Variants in PELI2 observed in about 807,000 individuals in gnomAD.
PELI2 encodes E3 ubiquitin-protein ligase pellino homolog 2.
A neutral mutation model predicts 42.3 loss-of-function variants in PELI2; 23 were observed. The ratio of observed to expected loss-of-function variants is 0.54; its 90% CI spans 0.39 to 0.77. PELI2 has a LOEUF of 0.77. PELI2 is among the 30% of genes least tolerant of loss of function. The pLI, the probability that PELI2 is intolerant of heterozygous loss-of-function variation, is 0.00. For synonymous variants in PELI2, 245 were observed against 212.2 expected (o/e 1.15, Z -1.34); for missense variants, 463 against 553.2 (o/e 0.84, Z 1.64).
chr14:56,132,589 G>A (rs1883530521), intron 1 of PELI2, among the ~76,000 whole-genome samples: 1 of 152,136 alleles, frequency 6.6e-6, no homozygotes, highest in South Asian at 2.1e-4. Flanking sequence ...CCAGACCCAC[G>A]GAAAGGGTCA....
At chr14:56,253,298 C>T (rs560122419) in intron 2 of PELI2, among the ~76,000 whole-genome samples, 41 of 152,242 alleles carry the variant, frequency 2.7e-4, no homozygotes, top group African/African-American at 9.9e-4. Flanking sequence ...CACAAGACAA[C>T]GATGACTTCT....
At chr14:56,142,264 C>CT (rs2139605433) in intron 1 of PELI2, among the ~76,000 whole-genome samples, 1 of 152,286 alleles carries the variant, frequency 6.6e-6, no homozygotes, top group South Asian at 2.1e-4. Context: ...GCTATTATCT[C>CT]TAAGTGGAGG....
At chr14:56,263,853 C>T (rs1474196755) in intron 2 of PELI2, among the ~76,000 whole-genome samples, 1 of 151,720 alleles carries the variant, frequency 6.6e-6, no homozygotes, top group African/African-American at 2.4e-5. Context: ...ATATAAAATA[C>T]AGGTAAGGCA....
intron 2 of PELI2, among the ~76,000 whole-genome samples, chr14:56,239,644 A>G (rs1435204428): frequency 6.6e-6 from 1 of 152,180 alleles, no homozygotes; most frequent in Non-Finnish European, 1.5e-5. Flanking sequence ...GTTTGTGGAT[A>G]TGCATACAGA....
intron 1 of PELI2, among the ~76,000 whole-genome samples, chr14:56,131,213 A>AT (rs1737894180): frequency 6.6e-6 from 1 of 152,134 alleles, no homozygotes. Flanking sequence ...AGTGCCTTTT[A>AT]TTTGCTTATT....
chr14:56,162,267 G>A (rs1009773991), intron 1 of PELI2, among the ~76,000 whole-genome samples: 1 of 150,688 alleles, frequency 6.6e-6, no homozygotes, highest in African/African-American at 2.4e-5. Flanking sequence ...CCTTCCTCTT[G>A]GCCTTCCCAG....
intron 2 of PELI2, among the ~76,000 whole-genome samples, chr14:56,245,070 C>T (rs2139802420): frequency 6.6e-6 from 1 of 152,302 alleles, no homozygotes; most frequent in South Asian, 2.1e-4. Flanking sequence ...GAATCTATTT[C>T]CCACTTCTCT....
chr14:56,248,044 C>T (rs538327940), intron 2 of PELI2, among the ~76,000 whole-genome samples: 3 of 152,180 alleles, frequency 2.0e-5, no homozygotes, highest in South Asian at 2.1e-4. Context: ...CTAGCTGCCA[C>T]GTAACTGGCT....
intron 2 of PELI2, among the ~76,000 whole-genome samples, chr14:56,226,020 A>G (rs1200946917): frequency 4.6e-5 from 7 of 152,144 alleles, no homozygotes; most frequent in African/African-American, 1.4e-4. Context: ...TTCCCAGTGC[A>G]GAAACTGACT....
chr14:56,179,993 G>C (rs1471171837), intron 2 of PELI2, among the ~76,000 whole-genome samples: 1 of 152,124 alleles, frequency 6.6e-6, no homozygotes, highest in Non-Finnish European at 1.5e-5. Flanking sequence ...CAACTGTTGA[G>C]AGAAAAGTAT....
intron 2 of PELI2, among the ~76,000 whole-genome samples, chr14:56,234,458 G>T (rs1043522474): frequency 6.6e-6 from 1 of 152,136 alleles, no homozygotes; most frequent in Non-Finnish European, 1.5e-5. Context: ...GTAGGGACAT[G>T]GGTGAAGCTG....
At chr14:56,190,359 A>G (rs965738340) in intron 2 of PELI2, among the ~76,000 whole-genome samples, 2 of 152,236 alleles carry the variant, frequency 1.3e-5, no homozygotes, top group East Asian at 1.9e-4. Context: ...AATTCTGATA[A>G]GCAGATCTTA....
rs1010092042 is a variant in PELI2 at position 56,262,826 on chromosome 14, A to G, written c.208-16850A>G. The stretch of plus-strand genomic sequence containing the variant: ...TATATAATATCCCTGACTTTTGATC[A>G]TATTCTCTACCAAATACAGCCAGAA... On this transcript the variant is annotated intron_variant, in intron 2 of 5. Transcript: ENST00000267460. 2.4e-4 allele frequency among the ~76,000 whole-genome samples: 36 copies of G among 150,800 alleles called. 1 individual carries two copies. Among genetic ancestry groups the G allele is most frequent in the Admixed American group, 2.1e-3 (31 of 15,096 alleles).
chr14:56,132,691 G>C (rs1481065078), intron 1 of PELI2, among the ~76,000 whole-genome samples: 1 of 152,162 alleles, frequency 6.6e-6, no homozygotes, highest in Admixed American at 6.5e-5. Flanking sequence ...GCTTTCTGTA[G>C]CCCTTTCAGC....
chr14:56,229,191 C>A (rs990550773), intron 2 of PELI2, among the ~76,000 whole-genome samples: 6 of 152,236 alleles, frequency 3.9e-5, no homozygotes, highest in Non-Finnish European at 5.9e-5. Flanking sequence ...CAAAAGGCAG[C>A]AGAAGCTTTT....
At chr14:56,267,598 C>T (rs71414112) in intron 2 of PELI2, among the ~76,000 whole-genome samples, 1 of 151,970 alleles carries the variant, frequency 6.6e-6, no homozygotes, top group Non-Finnish European at 1.5e-5. Context: ...ATACCAACTG[C>T]CAAAATATAT....
intron 2 of PELI2, among the ~76,000 whole-genome samples, chr14:56,196,647 C>A (rs1199531348): frequency 6.6e-6 from 1 of 152,194 alleles, no homozygotes; most frequent in Non-Finnish European, 1.5e-5. Flanking sequence ...AAATCATAAT[C>A]TTTAAAAAAT....
At chr14:56,226,366 G>GCTGCCAGGCAAACCTTCCT (rs1381956223) in intron 2 of PELI2, among the ~76,000 whole-genome samples, 1 of 152,154 alleles carries the variant, frequency 6.6e-6, no homozygotes, top group Non-Finnish European at 1.5e-5. Flanking sequence ...TCTGCTTCTT[G>GCTGCCAGGCAAACCTTCCT]GATGTATTCC....
At chr14:56,206,186 T>C (rs1185271323) in intron 2 of PELI2, among the ~76,000 whole-genome samples, 3 of 152,242 alleles carry the variant, frequency 2.0e-5, no homozygotes, top group Non-Finnish European at 4.4e-5. Context: ...TCTCATCTTC[T>C]GATTACAGGG....
Sources: gnomAD v4.1 joint callset for allele counts (sites outside exome capture counted in the v4.1 genomes callset) on GRCh38, gnomAD v4.1.1 for gene constraint, MANE v1.5 for transcripts, NCBI Gene and HGNC (gene_info 2026-07-23, HGNC 2026-07-21) for gene names.